The following NAV2 variants were observed in gnomAD, a reference collection of about 807,000 sequenced individuals.
The protein encoded by NAV2 is helicase, APC down-regulated 1.
Under a neutral mutation model 223.2 loss-of-function variants are expected in NAV2, and 54 were observed. That is an observed-to-expected ratio of 0.24 (90% CI 0.19 to 0.30). The LOEUF (loss-of-function observed/expected upper bound fraction) is 0.30. Ranked by LOEUF, NAV2 falls within the 10% of genes least tolerant of loss-of-function variation. The pLI is 1.00. For synonymous variants in NAV2, 1,279 were observed against 1,239.3 expected, an observed-to-expected ratio of 1.03 and a Z score of -0.67; for missense variants, 2,806 against 3,147.5, an observed-to-expected ratio of 0.89 and a Z score of 2.60.
In NAV2 at chr11:19,832,547, C is replaced by T. The variant is rs1462536374; in HGVS notation, c.331C>T (p.Leu111Phe). 3.1e-6 allele frequency: 5 copies of T among 1,614,206 alleles called. No homozygotes were observed. The highest frequency in any genetic ancestry group is 1.7e-5 in the Admixed American group (1 of 60,032). The change falls in exon 2 of 38, where the codon CTC (leucine) becomes TTC (phenylalanine). Residue 111 changes from leucine to phenylalanine, a missense_variant. Leu to Phe is a conservative substitution (Grantham distance 22). This residue lies in a region of NAV2 where 1,167 missense variants were observed against 1,180.5 expected (regional missense o/e 0.99). Coordinates refer to ENST00000349880, the MANE Select transcript of NAV2 (RefSeq NM_145117.5). ...CGGCCACAAGCGTCTCATCAGGGAT[C>T]TCCAGCAAGATGTGACAGATGGCGT... ...KSGHKRLIRD[L>F]QQDVTDGVLL...
chr11:19,961,694 C>A (rs1259026939), intron 10 of NAV2, among the ~76,000 whole-genome samples: 5 of 152,180 alleles, frequency 3.3e-5, no homozygotes, highest in Admixed American at 3.3e-4. Context: ...CTGTGGCGCA[C>A]CTCTCAGGTG....
At chr11:19,471,158 G>A (rs1256096028) in intron 1 of NAV2, among the ~76,000 whole-genome samples, 5 of 152,096 alleles carry the variant, frequency 3.3e-5, no homozygotes, top group Admixed American at 6.6e-5. Flanking sequence ...CCACATCCTC[G>A]TGTTACCAGT....
At chr11:19,877,327 A>G (rs963067217) in intron 4 of NAV2, among the ~76,000 whole-genome samples, 4 of 152,108 alleles carry the variant, frequency 2.6e-5, no homozygotes, top group Non-Finnish European at 5.9e-5. Context: ...AGGCACTAAA[A>G]GTAAATCTTA....
intron 25 of NAV2, among the ~76,000 whole-genome samples, chr11:20,081,904 A>G (rs1036306229): frequency 3.9e-5 from 6 of 152,180 alleles, no homozygotes; most frequent in Non-Finnish European, 7.3e-5. Flanking sequence ...GCTTTCAGAG[A>G]AGACATTGCA....
chr11:19,682,133 C>T (rs755755580), intron 1 of NAV2, among the ~76,000 whole-genome samples: 1 of 152,106 alleles, frequency 6.6e-6, no homozygotes, highest in Non-Finnish European at 1.5e-5. Context: ...ATACAACATA[C>T]TCACCCCATG....
chr11:19,651,485 C>T (rs551951966), intron 1 of NAV2, among the ~76,000 whole-genome samples: 6 of 152,190 alleles, frequency 3.9e-5, no homozygotes, highest in East Asian at 1.9e-4. Context: ...CACACCCCAC[C>T]GGGCCACATG....
rs142230371 is a variant in NAV2, at chr11:19,392,180, A to C, written c.75+41153A>C. Among the ~76,000 whole-genome samples the C allele has an allele frequency of 6.7e-3, 1,025 of 152,282 alleles. 9 individuals are homozygous for C. Among genetic ancestry groups the C allele is most frequent in the Middle Eastern group, 0.017 (5 of 294 alleles). On this transcript the variant is annotated intron_variant, in intron 1 of 37. Transcript: ENST00000360655. ...GCATACACTTTGCCAGCTGCGTTCA[A>C]GTCCTGATTGTGCTCATTGCAAACT... is the stretch of plus-strand genomic sequence containing the variant.
intron 1 of NAV2, among the ~76,000 whole-genome samples, chr11:19,822,048 T>G (rs1415059981): frequency 6.6e-6 from 1 of 152,220 alleles, no homozygotes; most frequent in Non-Finnish European, 1.5e-5. Flanking sequence ...CAGAGGTGGG[T>G]TGGAAACTGA....
At chr11:20,043,738 A>G (rs776466226) in intron 12 of NAV2, 8 of 453,334 alleles carry the variant, frequency 1.8e-5, no homozygotes, top group Non-Finnish European at 3.2e-5. Context: ...CACTGTGCCC[A>G]GCCATCTCGT....
chr11:19,858,185 G>T (rs2061498374), intron 3 of NAV2, among the ~76,000 whole-genome samples: 1 of 152,196 alleles, frequency 6.6e-6, no homozygotes, highest in Non-Finnish European at 1.5e-5. Context: ...ACTGAAAGTT[G>T]ATGCCTTTTG....
chr11:19,379,387 G>A (rs1848757481), intron 1 of NAV2, among the ~76,000 whole-genome samples: 1 of 152,200 alleles, frequency 6.6e-6, no homozygotes, highest in African/African-American at 2.4e-5. Flanking sequence ...GTTGAGAAGG[G>A]ATGCTGTGAA....
At chr11:19,424,693 T>G (rs11025131) in intron 1 of NAV2, among the ~76,000 whole-genome samples, 34,049 of 151,740 alleles carry the variant, frequency 0.22, 4,657 homozygotes, top group Non-Finnish European at 0.31. Context: ...GGATTATAGG[T>G]GCCTGCCACA....
At chr11:19,483,364 G>A (rs2042339318) in intron 1 of NAV2, among the ~76,000 whole-genome samples, 1 of 152,160 alleles carries the variant, frequency 6.6e-6, no homozygotes, top group South Asian at 2.1e-4. Context: ...TTGGTCACTT[G>A]GTAGCTATCT....
chr11:19,384,117 T>C lies in NAV2; in HGVS notation c.75+33090T>C, dbSNP rs148910663. ...AATATTCAGAGTAGAATATTCAAAGTAGAAGAAGCAAATTACATAACAGTG... is the reference window on the plus strand; with the variant it reads ...AATATTCAGAGTAGAATATTCAAAGCAGAAGAAGCAAATTACATAACAGTG... On this transcript the variant is annotated intron_variant, in intron 1 of 37. Coordinates refer to the NAV2 transcript ENST00000360655. 2.0e-3 allele frequency among the ~76,000 whole-genome samples: 302 copies of C among 152,288 alleles called. 1 individual carries two copies. Among genetic ancestry groups the C allele is most frequent in the Middle Eastern group, 0.017 (5 of 294 alleles).
At chr11:20,077,971 A>G (rs2059865829) in intron 23 of NAV2, 22 bp from the exon 24 acceptor site, 1 of 1,577,722 alleles carries the variant, frequency 6.3e-7, no homozygotes, top group Admixed American at 1.7e-5. Flanking sequence ...TAGGCTGACC[A>G]ATAATTTTTT....
At chr11:19,892,388 A>T in intron 5 of NAV2, 46 bp from the exon 6 acceptor site, 2 of 1,584,240 alleles carry the variant, frequency 1.3e-6, no homozygotes, top group Non-Finnish European at 1.7e-6. Context: ...ACACACTGTT[A>T]TTCTTCTGAG....
chr11:19,949,500 C>T (rs963304321), intron 10 of NAV2, among the ~76,000 whole-genome samples: 3 of 152,220 alleles, frequency 2.0e-5, no homozygotes, highest in South Asian at 2.1e-4. Context: ...AAGCTCTTTC[C>T]GGCCTCACAG....
chr11:19,689,348 G>A (rs997137813), intron 1 of NAV2, among the ~76,000 whole-genome samples: 1 of 152,222 alleles, frequency 6.6e-6, no homozygotes, highest in African/African-American at 2.4e-5. Flanking sequence ...ATCAACAAGA[G>A]ATGAGACAAG....
intron 11 of NAV2, chr11:20,027,526 A>G (rs1487956298): frequency 8.7e-6 from 8 of 920,958 alleles, no homozygotes; most frequent in Non-Finnish European, 1.0e-5. Context: ...ACCTGGAAAG[A>G]GGCAGACAGA....
Sources: allele counts gnomAD v4.1 joint callset (sites outside exome capture counted in the v4.1 genomes callset), GRCh38; gene constraint gnomAD v4.1.1; regional missense constraint gnomAD v4.1.1; transcripts MANE v1.5; gene names NCBI Gene and HGNC (gene_info 2026-07-23, HGNC 2026-07-21).